Variants in PCNX2 observed in about 807,000 individuals in gnomAD.
PCNX2 encodes the protein pecanex 2, also known as pecanex-like protein 2.
Under a neutral mutation model 223.8 loss-of-function variants are expected in PCNX2, and 168 were observed. The ratio of observed to expected loss-of-function variants is 0.75; its 90% CI spans 0.66 to 0.85. The LOEUF (loss-of-function observed/expected upper bound fraction) is 0.85, where lower values mean the gene tolerates loss of function less well. PCNX2 is among the 40% of genes least tolerant of loss of function. The probability of loss-of-function intolerance (pLI) is 0.00; values close to 1 mark genes in which losing one functional copy is unlikely to be tolerated. For missense variants in PCNX2, 2,507 were observed against 2,675.5 expected (o/e 0.94, Z 1.39); for synonymous variants, 1,006 against 1,052.6 (o/e 0.96, Z 0.86).
chr1:233,045,503 G>A (rs1308771584), intron 25 of PCNX2, among the ~76,000 whole-genome samples: 1 of 152,108 alleles, frequency 6.6e-6, no homozygotes, highest in Non-Finnish European at 1.5e-5. Context: ...CTGAAATTTG[G>A]GGCCTAATAG....
At chr1:233,318,175 T>C in the PCNX2 span, among the ~76,000 whole-genome samples, 1 of 152,094 alleles carries the variant, frequency 6.6e-6, no homozygotes, top group Non-Finnish European at 1.5e-5. Context: ...CTACTAATAA[T>C]CTCTAAAATT....
chr1:233,216,399 A>C (rs1424386610), intron 12 of PCNX2, among the ~76,000 whole-genome samples: 1 of 152,246 alleles, frequency 6.6e-6, no homozygotes, highest in Non-Finnish European at 1.5e-5. Flanking sequence ...AGAGATGAAA[A>C]GTAACAATAT....
At chr1:233,089,100 T>A (rs1673745527) in intron 23 of PCNX2, among the ~76,000 whole-genome samples, 1 of 152,158 alleles carries the variant, frequency 6.6e-6, no homozygotes, top group African/African-American at 2.4e-5. Flanking sequence ...GGGAGACACA[T>A]GAAGCCAAAG....
Position 232,999,399 on chromosome 1 carries a change from C to A in PCNX2, c.5329-20G>T. 3 of 1,569,844 alleles carry A rather than the reference C, an allele frequency of 1.9e-6. No individual in the cohort carries two copies. The South Asian group carries it at 3.5e-5, about 18-fold the overall frequency. Reference sequence around the variant, plus strand: ...GTTAACCTGCAGGTCAGAGAGGGAACGGGAAGAAAGGCAGAAGGCCTGTGT... The same window carrying A: ...GTTAACCTGCAGGTCAGAGAGGGAAAGGGAAGAAAGGCAGAAGGCCTGTGT... On this transcript the variant is annotated intron_variant, in intron 30 of 33. Coordinates refer to ENST00000258229, the MANE Select transcript of PCNX2 (RefSeq NM_014801.4).
Position 233,218,123 on chromosome 1 carries a change from C to T in PCNX2, c.2566G>A (p.Gly856Arg), listed in dbSNP as rs1167000194. ...ILLIVLVSLLGFLTLSQGFCK... is the reference protein window; with the variant it reads ...ILLIVLVSLLRFLTLSQGFCK... ...AAGCCTTGGCTCAAGGTCAGAAATC[C>T]AAGGAGGGAAACCAGGACAATGAGT... Residue 856 changes from glycine to arginine, a missense_variant, in exon 11 of 34, where the codon GGA becomes AGA. By Grantham distance (125) the Gly-to-Arg change is moderately radical. Transcript: ENST00000258229. The T allele has an allele frequency of 6.7e-7, 1 of 1,501,926 alleles. No homozygotes were observed. The highest frequency in any genetic ancestry group is 1.2e-5 in the South Asian group (1 of 83,286). 93.0% of individuals were successfully genotyped at this position (1,501,926 alleles called of 1,614,324 possible). A position where few individuals can be genotyped will look rare whatever the true frequency, so the allele number is the denominator to read the frequency against.
At chr1:233,057,115 T>C in intron 24 of PCNX2, 117 bp downstream of exon 24, 1 of 906,156 alleles carries the variant, frequency 1.1e-6, no homozygotes, top group Non-Finnish European at 1.7e-6. Flanking sequence ...ATTCAGCAGA[T>C]TAACTAAGAT....
chr1:233,108,972 A>G (rs1674964197), intron 21 of PCNX2, among the ~76,000 whole-genome samples: 1 of 152,216 alleles, frequency 6.6e-6, no homozygotes, highest in Non-Finnish European at 1.5e-5. Context: ...GTATAAGAGC[A>G]TGCAGCCACT....
chr1:233,149,877 T>G (rs1677690992), intron 19 of PCNX2, among the ~76,000 whole-genome samples: 1 of 117,212 alleles, frequency 8.5e-6, no homozygotes, highest in African/African-American at 3.7e-5. Context: ...CACTTATCCT[T>G]AAGCCTCAAT....
chr1:233,096,174 T>C (rs1463327793), intron 21 of PCNX2, among the ~76,000 whole-genome samples: 2 of 152,218 alleles, frequency 1.3e-5, no homozygotes, highest in South Asian at 2.1e-4. Context: ...CTCCTTCATA[T>C]TGGATCTTTT....
chr1:233,247,463 T>C (rs1659189061), intron 8 of PCNX2, among the ~76,000 whole-genome samples: 1 of 152,190 alleles, frequency 6.6e-6, no homozygotes. Flanking sequence ...CTAGAACTCT[T>C]CTTGTTTTTT....
chr1:233,237,030 C>T (rs1239968970), intron 8 of PCNX2, 50 bp from the exon 9 acceptor site: 1 of 1,607,774 alleles, frequency 6.2e-7, no homozygotes, highest in Non-Finnish European at 8.5e-7. Context: ...TACCAGAAGT[C>T]ATCTATTTAT....
At chr1:233,149,326 T>C (rs1481018683) in intron 19 of PCNX2, among the ~76,000 whole-genome samples, 1 of 152,214 alleles carries the variant, frequency 6.6e-6, no homozygotes, top group Non-Finnish European at 1.5e-5. Flanking sequence ...TTCTCCATAA[T>C]TAAAAGTTAA....
chr1:233,193,722 A>C (rs996002454), intron 15 of PCNX2, among the ~76,000 whole-genome samples: 1 of 152,198 alleles, frequency 6.6e-6, no homozygotes, highest in Non-Finnish European at 1.5e-5. Context: ...CAGATGGGTA[A>C]TTTCGAAAGA....
intron 19 of PCNX2, among the ~76,000 whole-genome samples, chr1:233,147,085 A>T (rs2102792200): frequency 6.6e-6 from 1 of 152,356 alleles, no homozygotes; most frequent in East Asian, 1.9e-4. Flanking sequence ...ATTCAGTGAG[A>T]TTCTAACCAT....
chr1:233,321,789 G>A, the PCNX2 span, among the ~76,000 whole-genome samples: 2 of 152,194 alleles, frequency 1.3e-5, no homozygotes, highest in African/African-American at 4.8e-5. Flanking sequence ...GCATGTGCAT[G>A]ACACTGAAGA....
intron 15 of PCNX2, among the ~76,000 whole-genome samples, chr1:233,185,084 AACACACACACACACAC>A (rs60719299): frequency 0.018 from 2,486 of 141,826 alleles, 57 homozygotes; most frequent in African/African-American, 0.058. Flanking sequence ...TACATACATA[AACACACACACACACAC>A]ACACACACAC....
chr1:233,052,273 C>T (rs548440939), intron 25 of PCNX2, among the ~76,000 whole-genome samples: 1 of 152,326 alleles, frequency 6.6e-6, no homozygotes, highest in Admixed American at 6.5e-5. Flanking sequence ...ACCGAGATAA[C>T]TGATCATCTT....
At chr1:233,256,498 C>T (rs903896553) in intron 5 of PCNX2, among the ~76,000 whole-genome samples, 1 of 152,278 alleles carries the variant, frequency 6.6e-6, no homozygotes, top group South Asian at 2.1e-4. Context: ...GGCCTTCATG[C>T]GCTCTGGGTT....
the PCNX2 span, among the ~76,000 whole-genome samples, chr1:233,324,081 A>C: frequency 6.6e-6 from 1 of 152,258 alleles, no homozygotes; most frequent in Non-Finnish European, 1.5e-5. Context: ...AGCCAGCTAC[A>C]ACATTCCCTT....
Sources: gnomAD v4.1 joint callset for allele counts (sites outside exome capture counted in the v4.1 genomes callset) on GRCh38, gnomAD v4.1.1 for gene constraint, MANE v1.5 for transcripts, NCBI Gene and HGNC (gene_info 2026-07-23, HGNC 2026-07-21) for gene names.